The following PHKA1 variants were observed in gnomAD, a reference collection of about 807,000 sequenced individuals.
The protein encoded by PHKA1 is phosphorylase b kinase regulatory subunit alpha, skeletal muscle isoform.
In PHKA1, 60 loss-of-function variants were observed where a neutral mutation model predicts 110.2. That is an observed-to-expected ratio of 0.54 (90% CI 0.44 to 0.68). The LOEUF (loss-of-function observed/expected upper bound fraction) is 0.68, where lower values mean the gene tolerates loss of function less well. Ranked by LOEUF, PHKA1 falls within the 30% of genes least tolerant of loss-of-function variation. The probability of loss-of-function intolerance (pLI) is 0.00; values close to 1 mark genes in which losing one functional copy is unlikely to be tolerated. For synonymous variants in PHKA1, 316 were observed against 333.6 expected (o/e 0.95, Z 0.58); for missense variants, 801 against 942.5 (o/e 0.85, Z 1.97).
intron 19 of PHKA1, 93 bp downstream of exon 19, chrX:72,620,632 A>G (rs782290767): frequency 6.9e-5 from 51 of 743,134 alleles, no homozygotes; most frequent in Non-Finnish European, 9.9e-5. Context: ...GAAGAAAACT[A>G]AAGTTCCTGC....
In PHKA1 at chrX:72,656,148, T is replaced by A. The variant is rs2053494977; in HGVS notation, c.1013A>T (p.Asp338Val). ...WPLFWTYFIL[D>V]GVFSGNAEQV... ...TTCTGCATTGCCACTGAAGACCCCA[T>A]CAAGAATAAAGTATGTCCAGAACAA... The change falls in exon 10 of 32, where the codon GAT becomes GTT. Residue 338 changes from aspartate (D) to valine (V), a missense_variant. This residue lies in a region of PHKA1 where 299 missense variants were observed against 423.3 expected (regional missense o/e 0.71). Coordinates refer to ENST00000373542, the MANE Select transcript of PHKA1 (RefSeq NM_002637.4). 1.7e-6 allele frequency: 2 copies of A among 1,208,769 alleles called. No individual in the cohort carries two copies.
At chrX:72,586,139 C>G (rs185179365) in intron 29 of PHKA1, among the ~76,000 whole-genome samples, 1 of 112,201 alleles carries the variant, frequency 8.9e-6, no homozygotes, top group African/African-American at 3.2e-5. Flanking sequence ...CCCTGACCCT[C>G]GTGTAGCTTA....
At chrX:72,636,503 A>G in intron 14 of PHKA1, 117 bp from the exon 15 acceptor site, 2 of 502,016 alleles carry the variant, frequency 4.0e-6, no homozygotes, top group Admixed American at 2.7e-5. Flanking sequence ...ACATATAGAC[A>G]CACACACACA....
intron 2 of PHKA1, among the ~76,000 whole-genome samples, chrX:72,709,640 A>G (rs2054337526): frequency 9.0e-6 from 1 of 110,878 alleles, no homozygotes; most frequent in South Asian, 3.9e-4. Flanking sequence ...CTGGCTATAC[A>G]TTAAAATCAC....
chrX:72,612,762 T>G (rs1251716510), intron 21 of PHKA1, among the ~76,000 whole-genome samples: 1 of 112,114 alleles, frequency 8.9e-6, no homozygotes, highest in African/African-American at 3.2e-5. Flanking sequence ...ACTCTCGCAC[T>G]CCTCCCATGA....
At chrX:72,602,379 A>C (rs977064363) in intron 26 of PHKA1, 106 bp from the exon 27 acceptor site, 7 of 531,551 alleles carry the variant, frequency 1.3e-5, no homozygotes, top group Non-Finnish European at 2.0e-5. Context: ...TTTTTAACTT[A>C]ATTTAAAAAC....
At chrX:72,663,327 CAA>C (rs113508626) in intron 8 of PHKA1, among the ~76,000 whole-genome samples, 2 of 98,859 alleles carry the variant, frequency 2.0e-5, no homozygotes, top group East Asian at 6.1e-4. Context: ...ACCAGGCATA[CAA>C]AAAAAAAACG....
chrX:72,608,308 A>T (rs1359827971), intron 23 of PHKA1, among the ~76,000 whole-genome samples: 2 of 111,271 alleles, frequency 1.8e-5, no homozygotes, highest in Non-Finnish European at 3.8e-5. Flanking sequence ...CCAACTTGCA[A>T]GATAAAGTCC....
intron 8 of PHKA1, among the ~76,000 whole-genome samples, 185 bp downstream of exon 8, chrX:72,665,966 A>C (rs2053611904): frequency 8.9e-6 from 1 of 112,036 alleles, no homozygotes; most frequent in Non-Finnish European, 1.9e-5. Context: ...TGGGTGTACC[A>C]CCCTGCATTG....
At chrX:72,650,561 A>C (rs2053417691) in intron 12 of PHKA1, 93 bp from the exon 13 acceptor site, 1 of 685,199 alleles carries the variant, frequency 1.5e-6, no homozygotes, top group Non-Finnish European at 2.3e-6. Context: ...ATAACCTTGC[A>C]CCATAACATT....
intron 14 of PHKA1, among the ~76,000 whole-genome samples, chrX:72,643,181 G>T (rs1423654868): frequency 9.0e-6 from 1 of 110,579 alleles, no homozygotes; most frequent in Admixed American, 9.7e-5. Flanking sequence ...TTTTAAGCTG[G>T]GAATACTTGC....
intron 16 of PHKA1, among the ~76,000 whole-genome samples, chrX:72,630,999 G>GTTTTTTTTTTTTTTTT (rs146161152): frequency 1.2e-3 from 52 of 44,657 alleles, no homozygotes; most frequent in Non-Finnish European, 1.4e-3. Flanking sequence ...ATTTTTTCAG[G>GTTTTTTTTTTTTTTTT]TTTTTTTTTT....
chrX:72,650,961 G>A (rs782204551), intron 12 of PHKA1, among the ~76,000 whole-genome samples: 1 of 111,789 alleles, frequency 8.9e-6, no homozygotes, highest in Non-Finnish European at 1.9e-5. Context: ...CAATCCTCCC[G>A]CTTTGGCCTC....
chrX:72,633,963 G>C (rs781833588), intron 16 of PHKA1, among the ~76,000 whole-genome samples: 1 of 111,243 alleles, frequency 9.0e-6, no homozygotes, highest in South Asian at 3.8e-4. Context: ...GCTCACTCAT[G>C]GTATTTTCCT....
intron 8 of PHKA1, among the ~76,000 whole-genome samples, chrX:72,661,869 T>G (rs1363806730): frequency 9.1e-6 from 1 of 110,488 alleles, no homozygotes; most frequent in Non-Finnish European, 1.9e-5. Flanking sequence ...GTGGAGTGTC[T>G]GAGGGAGAGC....
chrX:72,627,056 A>G lies in PHKA1; in HGVS notation c.1715-7T>C. 8.5e-7 allele frequency: 1 copy of G among 1,180,287 alleles called. No homozygotes were observed. Among genetic ancestry groups the G allele is most frequent in the Non-Finnish European group, 1.2e-6 (1 of 866,896 alleles). ...AAGCTTGTTCCATCTTCATCTTGAA[A>G]TGAACAGAATTTTAAAACAATCTTT... On this transcript the variant is annotated splice_region_variant and splice_polypyrimidine_tract_variant and intron_variant, in intron 16 of 31. Transcript: ENST00000373542.
At chrX:72,636,548 T>A (rs1375071932) in intron 14 of PHKA1, among the ~76,000 whole-genome samples, 162 bp from the exon 15 acceptor site, 1 of 112,143 alleles carries the variant, frequency 8.9e-6, no homozygotes, top group Non-Finnish European at 1.9e-5. Flanking sequence ...ATTGTCTTCT[T>A]TTTACAGTTT....
At chrX:72,668,636 C>A (rs1159330453) in intron 6 of PHKA1, among the ~76,000 whole-genome samples, 1 of 111,479 alleles carries the variant, frequency 9.0e-6, no homozygotes, top group African/African-American at 3.3e-5. Context: ...TGAAAGTCTT[C>A]CCTGAAGAAA....
At chrX:72,697,141 T>A (rs1247220393) in intron 3 of PHKA1, 1 of 111,455 alleles carries the variant, frequency 9.0e-6, no homozygotes, top group Non-Finnish European at 1.9e-5. Flanking sequence ...GTTTTGTTTT[T>A]GTTTTTCCTG....
Sources: allele counts gnomAD v4.1 joint callset (sites outside exome capture counted in the v4.1 genomes callset), GRCh38; gene constraint gnomAD v4.1.1; regional missense constraint gnomAD v4.1.1; transcripts MANE v1.5; gene names NCBI Gene and HGNC (gene_info 2026-07-23, HGNC 2026-07-21).